MROH1: variants seen among roughly 807,000 people sequenced by gnomAD.
The protein encoded by MROH1 is maestro heat like repeat family member 1.
MROH1 carries 117 observed loss-of-function variants against 116.5 expected under a neutral mutation model. The observed-to-expected ratio is 1.00, with a 90% confidence interval of 0.86 to 1.17. MROH1 has a LOEUF of 1.17. MROH1 is among the 50% of genes most tolerant of loss of function. The pLI is 0.00. For missense variants in MROH1, 1,873 were observed against 1,338.5 expected, an observed-to-expected ratio of 1.40 and a Z score of -6.23; for synonymous variants, 921 against 583.9, an observed-to-expected ratio of 1.58 and a Z score of -8.32.
intron 33 of MROH1, chr8:144,251,884 G>T (rs2133191525): frequency 5.7e-6 from 1 of 176,596 alleles, no homozygotes; most frequent in East Asian, 1.9e-4. Flanking sequence ...ATTGTGCTGT[G>T]TGGTGGGTCT....
intron 12 of MROH1, among the ~76,000 whole-genome samples, chr8:144,203,452 C>CT: frequency 2.7e-5 from 4 of 146,098 alleles, no homozygotes; most frequent in Non-Finnish European, 4.5e-5. Context: ...GGGAGCGCCC[C>CT]CTCTGGAGGG....
intron 4 of MROH1, 53 bp downstream of exon 4, chr8:144,168,493 G>A (rs1381825860): frequency 5.0e-5 from 78 of 1,549,000 alleles, no homozygotes; most frequent in Non-Finnish European, 6.8e-5. Flanking sequence ...GTCGGTTGGG[G>A]CTTACTTGGT....
intron 12 of MROH1, chr8:144,213,073 T>C: frequency 1.3e-6 from 1 of 779,148 alleles, no homozygotes; most frequent in East Asian, 2.4e-5. Flanking sequence ...CTGCACGTGC[T>C]GCTCCGCAGC....
chr8:144,181,406 C>T (rs1477751905), intron 7 of MROH1, among the ~76,000 whole-genome samples: 1 of 150,104 alleles, frequency 6.7e-6, no homozygotes, highest in Non-Finnish European at 1.5e-5. Context: ...GCTCTGTAGA[C>T]TGCAGGGTTG....
At chr8:144,201,750 C>T (rs892668002) in intron 12 of MROH1, among the ~76,000 whole-genome samples, 4 of 151,798 alleles carry the variant, frequency 2.6e-5, no homozygotes, top group African/African-American at 7.3e-5. Context: ...CAGTGGCTCA[C>T]GCCTGTAATC....
intron 1 of MROH1, among the ~76,000 whole-genome samples, chr8:144,154,537 C>T (rs913840258): frequency 5.3e-5 from 8 of 152,116 alleles, no homozygotes; most frequent in African/African-American, 1.9e-4. Flanking sequence ...TGGCGTCCCA[C>T]GGTGTGTTAA....
intron 4 of MROH1, among the ~76,000 whole-genome samples, chr8:144,168,649 C>T (rs1332438482): frequency 6.6e-6 from 1 of 152,174 alleles, no homozygotes; most frequent in African/African-American, 2.4e-5. Flanking sequence ...ATCCCCCCAC[C>T]ACGGCACTGT....
At chr8:144,186,118 C>A (rs980920606) in intron 7 of MROH1, among the ~76,000 whole-genome samples, 42 of 101,868 alleles carry the variant, frequency 4.1e-4, no homozygotes, top group African/African-American at 1.3e-3. Context: ...GGACAGTTTC[C>A]AATTTTTTTT....
In MROH1 at chr8:144,250,174, C is replaced by A. The variant is rs957167357; in HGVS notation, c.3274-38C>A. 290 of 755,334 alleles carry A rather than the reference C, an allele frequency of 3.8e-4. 4 individuals carry two copies. The highest frequency in any genetic ancestry group is 3.6e-3 in the South Asian group (259 of 71,920). The allele number at this position is 755,334 out of a possible 1,614,324, so 46.8% of individuals were successfully genotyped here. A position where few individuals can be genotyped will look rare whatever the true frequency, so the allele number is the denominator to read the frequency against. On this transcript the variant is annotated intron_variant, in intron 32 of 43. Coordinates refer to ENST00000326134, the MANE Select transcript of MROH1 (RefSeq NM_032450.3). ...CGTAGGTGTGCCCACAGCTGTCCCC[C>A]ACGCGTGGCCTGACCACCGTGTCCC... is the stretch of plus-strand genomic sequence containing the variant.
At chr8:144,243,089 G>C (rs1237100217) in intron 24 of MROH1, among the ~76,000 whole-genome samples, 2 of 152,248 alleles carry the variant, frequency 1.3e-5, no homozygotes, top group Non-Finnish European at 2.9e-5. Flanking sequence ...GGCCTCCCTG[G>C]CACTAACCTG....
At chr8:144,232,633 A>G (rs1554823238) in intron 14 of MROH1, among the ~76,000 whole-genome samples, 1 of 151,754 alleles carries the variant, frequency 6.6e-6, no homozygotes, top group East Asian at 1.9e-4. Flanking sequence ...AGCTGGGACT[A>G]CATGCGCACA....
At chr8:144,234,498 GTTTTTTTTTTTTTTTT>G (rs1165164431) in intron 14 of MROH1, among the ~76,000 whole-genome samples, 11 of 18,086 alleles carry the variant, frequency 6.1e-4, no homozygotes, top group East Asian at 1.3e-3. Flanking sequence ...TTTCTTTTTC[GTTTTTTTTTTTTTTTT>G]TTTTTTTTTT....
intron 28 of MROH1, 25 bp downstream of exon 28, chr8:144,244,564 G>A: frequency 1.4e-6 from 1 of 730,930 alleles, no homozygotes; most frequent in Non-Finnish European, 2.5e-6. Context: ...ACTGTCATGG[G>A]GATGGGGATG....
At chr8:144,234,891 C>CTTT (rs781998549) in intron 14 of MROH1, among the ~76,000 whole-genome samples, 5,655 of 103,428 alleles carry the variant, frequency 0.055, 628 homozygotes, top group African/African-American at 0.15. Context: ...CTTTTTCTTT[C>CTTT]TTTTTTTTTT....
At chr8:144,220,500 ACACGGGGAC>A (rs1207663962) in intron 12 of MROH1, 91 bp from the exon 13 acceptor site, 8 of 1,000,806 alleles carry the variant, frequency 8.0e-6, no homozygotes, top group African/African-American at 3.2e-5. Context: ...TCTTCCTCCT[ACACGGGGAC>A]CACGGGGAAG....
chr8:144,234,230 C>T (rs1839542793), intron 14 of MROH1, among the ~76,000 whole-genome samples: 3 of 151,996 alleles, frequency 2.0e-5, no homozygotes, highest in Admixed American at 6.6e-5. Context: ...AGGACGGTCT[C>T]GATCTCCTGA....
At chr8:144,223,853 A>G (rs1837295271) in intron 14 of MROH1, among the ~76,000 whole-genome samples, 1 of 152,180 alleles carries the variant, frequency 6.6e-6, no homozygotes, top group East Asian at 1.9e-4. Context: ...CTCAGAACAG[A>G]CACGCCGCCC....
Position 144,257,186 on chromosome 8 carries a change from C to T in MROH1, c.3791+1481C>T, listed in dbSNP as rs900749623. Among the ~76,000 whole-genome samples the T allele has an allele frequency of 2.6e-5, 4 of 152,356 alleles. No individual in the cohort carries two copies. In the South Asian group the frequency reaches 8.3e-4, roughly 32 times the overall value. ...GGAAGCCCCCTTGGCACCCAGGCTA[C>T]CTGGGCTCAAAGATCAGGCCCCAAC... On this transcript the variant is annotated intron_variant, in intron 35 of 43. Coordinates refer to ENST00000326134, the MANE Select transcript of MROH1 (RefSeq NM_032450.3).
At chr8:144,224,108 G>A (rs146511131) in intron 14 of MROH1, among the ~76,000 whole-genome samples, 144 of 152,280 alleles carry the variant, frequency 9.5e-4, no homozygotes, top group African/African-American at 3.4e-3. Context: ...GGCATGAACT[G>A]GAGAGCCAAG....
Sources: gnomAD v4.1 joint callset for allele counts (sites outside exome capture counted in the v4.1 genomes callset) on GRCh38, gnomAD v4.1.1 for gene constraint, MANE v1.5 for transcripts, NCBI Gene and HGNC (gene_info 2026-07-23, HGNC 2026-07-21) for gene names.